CNTN5: variants seen among roughly 807,000 people sequenced by gnomAD.
The protein encoded by CNTN5 is contactin 5.
In CNTN5, 77 loss-of-function variants were observed where a neutral mutation model predicts 129.1. That is an observed-to-expected ratio of 0.60 (90% CI 0.50 to 0.72). The LOEUF (loss-of-function observed/expected upper bound fraction) is 0.72, where lower values mean the gene tolerates loss of function less well. CNTN5 is among the 30% of genes least tolerant of loss of function. The pLI, the probability that CNTN5 is intolerant of heterozygous loss-of-function variation, is 0.00. For synonymous variants in CNTN5, 509 were observed against 465.6 expected (o/e 1.09, Z -1.20); for missense variants, 1,478 against 1,328.8 (o/e 1.11, Z -1.75).
intron 1 of CNTN5, among the ~76,000 whole-genome samples, chr11:99,241,492 G>A (rs1205876342): frequency 6.6e-6 from 1 of 151,988 alleles, no homozygotes; most frequent in African/African-American, 2.4e-5. Flanking sequence ...ACTCAAAGCA[G>A]AGAGCAAGTA....
chr11:100,183,820 G>A lies in CNTN5; in HGVS notation c.1581-7306G>A, dbSNP rs150640421. Among the ~76,000 whole-genome samples, 1,151 of 152,090 alleles carry A rather than the reference G, an allele frequency of 7.6e-3. 11 individuals are homozygous for A. Among genetic ancestry groups the A allele is most frequent in the African/African-American group, 0.023 (946 of 41,486 alleles). The stretch of plus-strand genomic sequence containing the variant: ...TGAAAAATGTTAATAGCTTCCCATT[G>A]CCCTTAAAATTAAGAACAAATGATT... On this transcript the variant is annotated intron_variant, in intron 13 of 24. Coordinates refer to ENST00000524871, the MANE Select transcript of CNTN5 (RefSeq NM_014361.4).
intron 3 of CNTN5, among the ~76,000 whole-genome samples, chr11:99,665,080 T>C (rs1025446161): frequency 1.3e-5 from 2 of 152,150 alleles, no homozygotes; most frequent in African/African-American, 4.8e-5. Flanking sequence ...AATATATAGT[T>C]CGCTATAAGA....
chr11:99,066,268 T>G (rs1865100071), intron 1 of CNTN5, among the ~76,000 whole-genome samples: 1 of 151,890 alleles, frequency 6.6e-6, no homozygotes. Context: ...CACGCCCAGC[T>G]AATTTTTTGT....
At chr11:99,140,104 T>C (rs1859438960) in intron 1 of CNTN5, among the ~76,000 whole-genome samples, 1 of 152,220 alleles carries the variant, frequency 6.6e-6, no homozygotes, top group Non-Finnish European at 1.5e-5. Flanking sequence ...CAAAATTACA[T>C]TAGTGATTTG....
At chr11:100,246,288 C>G (rs866041367) in intron 16 of CNTN5, among the ~76,000 whole-genome samples, 2 of 152,192 alleles carry the variant, frequency 1.3e-5, no homozygotes, top group Middle Eastern at 3.4e-3. Flanking sequence ...TTATCATTCT[C>G]TTTATAAAAT....
At position 100,052,460 on chromosome 11, in the gene CNTN5, C is replaced by A. The variant is rs1274518930; in HGVS notation, c.981-8752C>A. 3.3e-5 allele frequency among the ~76,000 whole-genome samples: 5 copies of A among 151,594 alleles called. No homozygotes were observed. The East Asian group carries it at 5.8e-4, about 18-fold the overall frequency. On this transcript the variant is annotated intron_variant, in intron 9 of 24. Transcript: ENST00000524871. ...GTGTATGTGTATTTTCAAGAATCTA[C>A]AACAAAAACCCTAAAATTAATATTT...
intron 3 of CNTN5, among the ~76,000 whole-genome samples, chr11:99,681,477 C>T (rs1171272184): frequency 6.6e-6 from 1 of 152,070 alleles, no homozygotes; most frequent in Admixed American, 6.6e-5. Flanking sequence ...CAAGGCCCAC[C>T]AGCAGCAAAA....
At chr11:100,068,388 A>C (rs1269321903) in intron 10 of CNTN5, among the ~76,000 whole-genome samples, 2 of 152,168 alleles carry the variant, frequency 1.3e-5, no homozygotes, top group African/African-American at 4.8e-5. Flanking sequence ...AATTTAGAAT[A>C]AACACTGAAT....
rs1007228656 is a variant in CNTN5, at chr11:99,999,992, C to G, written c.878-2042C>G. Among the ~76,000 whole-genome samples the G allele has an allele frequency of 2.7e-5, 4 of 146,412 alleles. No homozygotes were observed. The Admixed American group carries it at 2.8e-4, about 10-fold the overall frequency. On this transcript the variant is annotated intron_variant, in intron 8 of 24. Transcript: ENST00000524871. ...TGGACACAGGAAGGGGAACATCACA[C>G]TCTGGGGACTGTTGTGGGGTGTGGG...
intron 2 of CNTN5, among the ~76,000 whole-genome samples, chr11:99,547,647 A>C (rs1180743077): frequency 6.6e-6 from 1 of 152,210 alleles, no homozygotes; most frequent in Non-Finnish European, 1.5e-5. Context: ...AGTTAATTGC[A>C]TTATCCTCCT....
chr11:99,459,542 G>A (rs1944615108), intron 2 of CNTN5, among the ~76,000 whole-genome samples: 1 of 152,006 alleles, frequency 6.6e-6, no homozygotes, highest in African/African-American at 2.4e-5. Flanking sequence ...CATGAACTAT[G>A]CTGCATGCAA....
chr11:99,712,200 G>A (rs1955021430), intron 3 of CNTN5, among the ~76,000 whole-genome samples: 1 of 152,074 alleles, frequency 6.6e-6, no homozygotes, highest in African/African-American at 2.4e-5. Flanking sequence ...ATCTCATTGT[G>A]GTTTTCATTT....
At chr11:100,273,068 G>T (rs1950435853) in intron 18 of CNTN5, among the ~76,000 whole-genome samples, 1 of 152,128 alleles carries the variant, frequency 6.6e-6, no homozygotes, top group Non-Finnish European at 1.5e-5. Flanking sequence ...CCCATCAGAT[G>T]GGGCCAGTCC....
At chr11:99,753,047 C>T (rs1565491314) in intron 3 of CNTN5, among the ~76,000 whole-genome samples, 1 of 144,974 alleles carries the variant, frequency 6.9e-6, no homozygotes, top group Non-Finnish European at 1.5e-5. Context: ...AGGGACTCAA[C>T]AATATGTAAC....
chr11:99,843,006 G>A (rs1027498663), intron 4 of CNTN5, among the ~76,000 whole-genome samples: 27 of 152,116 alleles, frequency 1.8e-4, no homozygotes, highest in African/African-American at 5.3e-4. Context: ...CTAGGCGGGC[G>A]GATTACTTGA....
Position 99,347,343 on chromosome 11 carries a change from T to C in CNTN5, c.-71+21859T>C, listed in dbSNP as rs1362310404. 3.9e-5 allele frequency among the ~76,000 whole-genome samples: 6 copies of C among 152,184 alleles called. No individual in the cohort carries two copies. The East Asian group carries it at 1.2e-3, about 29-fold the overall frequency. The stretch of plus-strand genomic sequence containing the variant: ...ACAATGACACAGGGCGTGGGAAGTG[T>C]TATAAAACTTCCAAACAAAGAAAAT... On this transcript the variant is annotated intron_variant, in intron 2 of 24. Transcript: ENST00000524871.
At chr11:99,031,812 A>T (rs1863391935) in intron 1 of CNTN5, among the ~76,000 whole-genome samples, 1 of 151,320 alleles carries the variant, frequency 6.6e-6, no homozygotes. Context: ...CATGTGCACA[A>T]TGTGCAGGTT....
At chr11:100,077,475 TA>T (rs1944176719) in intron 13 of CNTN5, among the ~76,000 whole-genome samples, 1 of 151,978 alleles carries the variant, frequency 6.6e-6, no homozygotes, top group African/African-American at 2.4e-5. Context: ...GTATAAGAAA[TA>T]AATAATAATA....
intron 2 of CNTN5, among the ~76,000 whole-genome samples, chr11:99,394,811 A>G (rs1197252595): frequency 1.3e-5 from 2 of 151,580 alleles, no homozygotes; most frequent in African/African-American, 2.4e-5. Context: ...TTTCTGTTCC[A>G]GTGTTAGTTT....
Sources: gnomAD v4.1 joint callset for allele counts (sites outside exome capture counted in the v4.1 genomes callset) on GRCh38, gnomAD v4.1.1 for gene constraint, MANE v1.5 for transcripts, NCBI Gene and HGNC (gene_info 2026-07-23, HGNC 2026-07-21) for gene names.